The following CACFD1 variants were observed in gnomAD, a reference collection of about 807,000 sequenced individuals.
The protein encoded by CACFD1 is calcium channel flower homolog.
CACFD1 carries 26 observed loss-of-function variants against 21.3 expected under a neutral mutation model. The observed-to-expected ratio is 1.22, with a 90% CI of 0.89 to 1.69. CACFD1 has a LOEUF of 1.69. Ranked by LOEUF, CACFD1 falls within the 40% of genes most tolerant of loss-of-function variation. The pLI is 0.00. For missense variants in CACFD1, 265 were observed against 236.2 expected, an observed-to-expected ratio of 1.12 and a Z score of -0.80; for synonymous variants, 121 against 106.6, an observed-to-expected ratio of 1.13 and a Z score of -0.83.
chr9:133,462,299 C>T (rs1843253427), intron 1 of CACFD1: 3 of 1,302,132 alleles, frequency 2.3e-6, no homozygotes, highest in South Asian at 1.2e-5. Context: ...CCCCTGTGTA[C>T]CTGTGGTTCT....
At chr9:133,468,497 A>C (rs1306327176) in intron 4 of CACFD1, 66 bp from the exon 5 acceptor site, 1 of 1,545,442 alleles carries the variant, frequency 6.5e-7, no homozygotes, top group African/African-American at 1.4e-5. Context: ...GGAACCGGGC[A>C]GTGGTCAGGA....
At chr9:133,468,414 A>G (rs1843533856) in intron 4 of CACFD1, 149 bp from the exon 5 acceptor site, 12 of 1,536,098 alleles carry the variant, frequency 7.8e-6, no homozygotes, top group Middle Eastern at 3.3e-4. Context: ...GGGACAAGAC[A>G]GGCCTTTGCC....
At chr9:133,468,526 T>C (rs1295855853) in intron 4 of CACFD1, 37 bp from the exon 5 acceptor site, 5 of 1,555,316 alleles carry the variant, frequency 3.2e-6, no homozygotes, top group Middle Eastern at 1.7e-4. Flanking sequence ...GGCATGGGGC[T>C]GGTGCTCCAC....
intron 1 of CACFD1, 123 bp from the exon 2 acceptor site, chr9:133,463,360 G>A: frequency 6.4e-7 from 1 of 1,560,800 alleles, no homozygotes; most frequent in Non-Finnish European, 8.6e-7. Flanking sequence ...TCTGGGTGCT[G>A]TGAGAACTGT....
intron 1 of CACFD1, among the ~76,000 whole-genome samples, chr9:133,461,157 T>C (rs968151695): frequency 2.6e-5 from 4 of 152,224 alleles, no homozygotes; most frequent in African/African-American, 9.7e-5. Context: ...CAGAGAGGGC[T>C]AGCTCTGGGC....
rs1564456686 is a variant in CACFD1 at position 133,465,421 on chromosome 9, CT to C, written c.295del (p.Trp99GlyfsTer19). The C allele has an allele frequency of 1.2e-6, 2 of 1,613,336 alleles. No homozygotes were observed. ...CGGAGAAGGTGGACCGGCTGCGCTC[CT>C]GGCAGAAGGCTGTCTTCTACTGCGG... ...VAEKVDRLRS[W>X]QKAVFYCGMA... On this transcript the variant is annotated frameshift_variant, in exon 3 of 5. Coordinates refer to ENST00000316948, the MANE Select transcript of CACFD1 (RefSeq NM_017586.5). LOFTEE classifies it high-confidence loss of function. This position sits in a 1 kb window ranked among gnomAD's most constrained non-coding sequence, Gnocchi z 5.0.
At chr9:133,461,322 C>T (rs1554798481) in intron 1 of CACFD1, among the ~76,000 whole-genome samples, 1 of 152,166 alleles carries the variant, frequency 6.6e-6, no homozygotes, top group Non-Finnish European at 1.5e-5. Context: ...CTAGGCATGC[C>T]CTTATCCAGA....
chr9:133,462,036 G>A, intron 1 of CACFD1: 1 of 1,279,524 alleles, frequency 7.8e-7, no homozygotes, highest in Non-Finnish European at 1.0e-6. Context: ...GAAGATATCA[G>A]CATTGAGGCC....
intron 1 of CACFD1, chr9:133,462,060 C>T (rs913879570): frequency 2.0e-5 from 26 of 1,294,174 alleles, no homozygotes; most frequent in African/African-American, 1.5e-4. Context: ...AAGTGGACAT[C>T]CTCCAGCCCT....
intron 1 of CACFD1, chr9:133,462,204 A>C (rs782769810): frequency 7.7e-7 from 1 of 1,304,258 alleles, no homozygotes; most frequent in South Asian, 1.2e-5. Context: ...AGCAGGAAGC[A>C]CAGCCGAGCT....
intron 2 of CACFD1, among the ~76,000 whole-genome samples, chr9:133,464,669 CAGA>C (rs1353813963): frequency 1.3e-5 from 2 of 152,180 alleles, no homozygotes; most frequent in Non-Finnish European, 2.9e-5. Context: ...AAGACCACAG[CAGA>C]CACCTTCCGT....
At position 133,465,445 on chromosome 9, in the gene CACFD1, C is replaced by A. The variant is rs587733978; in HGVS notation, c.318C>A (p.Cys106Ter). The A allele has an allele frequency of 6.2e-7, 1 of 1,607,970 alleles. No homozygotes were observed. The change falls in exon 3 of 5, where the codon TGC becomes TGA. Residue 106 changes from cysteine to a stop codon, truncating the protein, a stop_gained and splice_region_variant. Transcript: ENST00000316948. LOFTEE classifies it high-confidence loss of function. This position sits in a 1 kb window ranked among gnomAD's most constrained non-coding sequence, Gnocchi z 5.0. The part of the protein sequence containing the change: ...LRSWQKAVFY[C>*]GMAVVPIVIS... ...CCTGGCAGAAGGCTGTCTTCTACTG[C>A]GGGTGAGGGGTTGCTGGGCAGGGTC...
chr9:133,466,351 T>A (rs898383992), intron 3 of CACFD1, among the ~76,000 whole-genome samples: 2 of 152,268 alleles, frequency 1.3e-5, no homozygotes, highest in Non-Finnish European at 2.9e-5. Flanking sequence ...AATCTTCTGA[T>A]GTGTGTGCTT....
rs1001971811 is a variant in CACFD1, at chr9:133,469,613, C to G, written c.*960C>G. Reference sequence around the variant, plus strand: ...AGAGCTGTCCCCACTGCCCTGGGTGCCAGGCTGTCCGGAGCCAGGCCTACC... The same window carrying G: ...AGAGCTGTCCCCACTGCCCTGGGTGGCAGGCTGTCCGGAGCCAGGCCTACC... On this transcript the variant is annotated 3_prime_UTR_variant, in exon 5 of 5. Transcript: ENST00000316948. 1 of 152,388 alleles carries G rather than the reference C, an allele frequency of 6.6e-6. No individual in the cohort carries two copies. The highest frequency in any genetic ancestry group is 1.5e-5 in the Non-Finnish European group (1 of 68,154). 9.4% of individuals were successfully genotyped at this position (152,388 alleles called of 1,614,324 possible). A position where few individuals can be genotyped will look rare whatever the true frequency, so the allele number is the denominator to read the frequency against.
At position 133,465,153 on chromosome 9, in the gene CACFD1, C is replaced by T. The variant is rs587631812; in HGVS notation, c.195-169C>T. 29 of 688,018 alleles carry T rather than the reference C, an allele frequency of 4.2e-5. No homozygotes were observed. The highest frequency in any genetic ancestry group is 2.2e-4 in the South Asian group (13 of 58,900). The allele number at this position is 688,018 out of a possible 1,614,324, so 42.6% of individuals were successfully genotyped here. A position where few individuals can be genotyped will look rare whatever the true frequency, so the allele number is the denominator to read the frequency against. Reference sequence around the variant, plus strand: ...GCTGGAGTCTTCAGCAGAGGCTCTCCGAGGGGTACGAGCAGGTGCCCTGGA... The same window carrying T: ...GCTGGAGTCTTCAGCAGAGGCTCTCTGAGGGGTACGAGCAGGTGCCCTGGA... On this transcript the variant is annotated intron_variant, in intron 2 of 4. Transcript: ENST00000316948. This position sits in a 1 kb window ranked among gnomAD's most constrained non-coding sequence, Gnocchi z 5.0.
chr9:133,468,149 A>G (rs1011004345), intron 4 of CACFD1, 121 bp downstream of exon 4: 52 of 1,027,762 alleles, frequency 5.1e-5, no homozygotes, highest in Middle Eastern at 2.1e-4. Flanking sequence ...CAGAGGTCCC[A>G]GTAACTCATT....
chr9:133,463,432 C>A (rs782448178), intron 1 of CACFD1, 51 bp from the exon 2 acceptor site: 22 of 1,612,316 alleles, frequency 1.4e-5, no homozygotes, highest in Middle Eastern at 1.6e-4. Flanking sequence ...GCCTTCCCAG[C>A]GGGCTCCGCC....
intron 3 of CACFD1, 26 bp from the exon 4 acceptor site, chr9:133,467,895 C>G: frequency 6.5e-7 from 1 of 1,549,068 alleles, no homozygotes; most frequent in Non-Finnish European, 8.9e-7. Flanking sequence ...GCCGGAGTGC[C>G]CCCTTGACCT....
chr9:133,462,628 C>T (rs1434035518), intron 1 of CACFD1, among the ~76,000 whole-genome samples: 7 of 152,226 alleles, frequency 4.6e-5, no homozygotes, highest in Non-Finnish European at 1.0e-4. Context: ...CAGCCACCTC[C>T]TTGGACCTGC....
Sources: allele counts gnomAD v4.1 joint callset (sites outside exome capture counted in the v4.1 genomes callset), GRCh38; gene constraint gnomAD v4.1.1; non-coding constraint Gnocchi (gnomAD v3.1); transcripts MANE v1.5; gene names NCBI Gene and HGNC (gene_info 2026-07-23, HGNC 2026-07-21).